Variants in FABP2 observed in about 807,000 individuals in gnomAD.
FABP2 encodes fatty acid-binding protein, intestinal.
A neutral mutation model predicts 16.1 loss-of-function variants in FABP2; 11 were observed. That is an observed-to-expected ratio of 0.68 (90% CI 0.43 to 1.13). The LOEUF (loss-of-function observed/expected upper bound fraction) is 1.13, where lower values mean the gene tolerates loss of function less well. Among genes scored for constraint, FABP2 ranks in the 50% most tolerant of loss-of-function variants. FABP2 has a pLI of 0.00. For missense variants in FABP2, 146 were observed against 155.1 expected (o/e 0.94, Z 0.31); for synonymous variants, 45 against 50.9 (o/e 0.88, Z 0.49).
chr4:119,321,952 G>T, intron 1 of FABP2, 84 bp downstream of exon 1: 1 of 1,111,808 alleles, frequency 9.0e-7, no homozygotes, highest in Non-Finnish European at 1.3e-6. Context: ...TAAGCTATCT[G>T]TAATCTCCTA....
At chr4:119,320,888 G>T in intron 1 of FABP2, 46 bp from the exon 2 acceptor site, 1 of 1,441,440 alleles carries the variant, frequency 6.9e-7, no homozygotes, top group South Asian at 1.4e-5. Context: ...AATCCCATAG[G>T]AAGTGTTTAT....
rs563422671 is a variant in FABP2 at position 119,318,994 on chromosome 4, G to T, written c.*47C>A. 2.9e-5 allele frequency: 42 copies of T among 1,442,772 alleles called. No homozygotes were observed. Among genetic ancestry groups the T allele is most frequent in the South Asian group, 1.9e-4 (16 of 83,042 alleles). The allele number at this position is 1,442,772 out of a possible 1,614,324, so 89.4% of individuals were successfully genotyped here. A position where few individuals can be genotyped will look rare whatever the true frequency, so the allele number is the denominator to read the frequency against. On this transcript the variant is annotated 3_prime_UTR_variant, in exon 4 of 4. Transcript: ENST00000274024. ...AAATAAATAGTTCTGGTACAATATA[G>T]ATCTTCTGTCCAATTTGTATTTTGG...
chr4:119,320,498 T>G (rs1755648091), intron 2 of FABP2, among the ~76,000 whole-genome samples, 172 bp downstream of exon 2: 1 of 152,096 alleles, frequency 6.6e-6, no homozygotes, highest in African/African-American at 2.4e-5. Context: ...AAAACATATT[T>G]AAATATCCTG....
chr4:119,320,876 C>A, intron 1 of FABP2, 34 bp from the exon 2 acceptor site: 1 of 1,496,592 alleles, frequency 6.7e-7, no homozygotes, highest in South Asian at 1.3e-5. Flanking sequence ...AAAATAAAGT[C>A]AAATCCCATA....
In FABP2 at chr4:119,319,653, A is replaced by C. The variant is rs770270527; in HGVS notation, c.241-10T>G. ...CAAGGCTCCAGGTCCCCTACATAAT[A>C]ATAATAATAATAATAATAATAATAA... On this transcript the variant is annotated splice_polypyrimidine_tract_variant and intron_variant, in intron 2 of 3. Transcript: ENST00000274024. The C allele has an allele frequency of 6.8e-4, 626 of 925,260 alleles. 1 individual carries two copies. The highest frequency in any genetic ancestry group is 7.1e-4 in the Non-Finnish European group (490 of 689,326). 57.3% of individuals were successfully genotyped at this position (925,260 alleles called of 1,614,324 possible).
chr4:119,320,094 A>G (rs1038784011), intron 2 of FABP2, among the ~76,000 whole-genome samples: 8 of 152,062 alleles, frequency 5.3e-5, no homozygotes, highest in Admixed American at 2.0e-4. Context: ...ATGATAAAAC[A>G]TTCAGTAGTT....
chr4:119,321,195 G>A (rs77203710), intron 1 of FABP2, among the ~76,000 whole-genome samples: 4,209 of 152,088 alleles, frequency 0.028, 76 homozygotes, highest in South Asian at 0.067. Flanking sequence ...ATATTTATAA[G>A]GAAGCACATC....
In FABP2 at chr4:119,319,923, G is replaced by A. The variant is rs568460951; in HGVS notation, c.241-280C>T. ...TTGTTCTCTTCAATAATTTCCATAC[G>A]CTGAATTTTAAGGCAGATGAGCAGC... is the stretch of plus-strand genomic sequence containing the variant. On this transcript the variant is annotated intron_variant, in intron 2 of 3. Coordinates refer to ENST00000274024, the MANE Select transcript of FABP2 (RefSeq NM_000134.4). 1.6e-4 allele frequency among the ~76,000 whole-genome samples: 25 copies of A among 151,958 alleles called. No individual in the cohort carries two copies. In the South Asian group the frequency reaches 2.7e-3, roughly 16 times the overall value.
At chr4:119,321,529 C>T (rs371779474) in intron 1 of FABP2, among the ~76,000 whole-genome samples, 4 of 152,144 alleles carry the variant, frequency 2.6e-5, no homozygotes, top group East Asian at 1.9e-4. Flanking sequence ...TTAAATTAAA[C>T]GCCCTGGAGA....
intron 2 of FABP2, among the ~76,000 whole-genome samples, chr4:119,320,066 T>G (rs1755640840): frequency 1.3e-5 from 2 of 152,050 alleles, no homozygotes; most frequent in African/African-American, 2.4e-5. Flanking sequence ...TGGTACTAAT[T>G]AAAGAAAGAC....
At position 119,322,072 on chromosome 4, in the gene FABP2, G is replaced by A. The variant is rs774043520; in HGVS notation, c.31C>T (p.Arg11Trp). 6.2e-6 allele frequency: 10 copies of A among 1,613,166 alleles called. No homozygotes were observed. The East Asian group carries it at 1.1e-4, about 18-fold the overall frequency. MAFDSTWKVD[R>W]SENYDKFMEK... is the part of the protein sequence containing the mutation. The stretch of plus-strand genomic sequence containing the variant: ...ATGAACTTGTCATAGTTTTCACTCC[G>A]GTCTACCTTCCAAGTGCTGTCAAAC... The change falls in exon 1 of 4, where the codon CGG (arginine) becomes TGG (tryptophan). Residue 11 changes from arginine to tryptophan, a missense_variant. Coordinates refer to ENST00000274024, the MANE Select transcript of FABP2 (RefSeq NM_000134.4).
At position 119,320,691 on chromosome 4, in the gene FABP2, T is replaced by A; in HGVS notation, c.219A>T (p.Leu73=). 1.3e-6 allele frequency: 2 copies of A among 1,589,364 alleles called. No individual in the cohort carries two copies. The highest frequency in any genetic ancestry group is 1.7e-6 in the Non-Finnish European group (2 of 1,172,096). ...TTACCCTGAGTTCAGTTCCGTCTGC[T>A]AGATTGTAATTAAAGGTGACACCAA... is the stretch of plus-strand genomic sequence containing the variant. ...FELGVTFNYN[L]ADGTELRGTW... Residue 73 remains leucine (L), a synonymous_variant, in exon 2 of 4, where the codon CTA becomes CTT. Transcript: ENST00000274024.
intron 2 of FABP2, among the ~76,000 whole-genome samples, 193 bp downstream of exon 2, chr4:119,320,477 G>A (rs759869448): frequency 1.3e-5 from 2 of 151,898 alleles, no homozygotes; most frequent in Non-Finnish European, 2.9e-5. Context: ...TCACAGATGC[G>A]TATAAAAATA....
At position 119,318,533 on chromosome 4, in the gene FABP2, T is replaced by TA. The variant is rs200228934; in HGVS notation, c.*507dup. On this transcript the variant is annotated 3_prime_UTR_variant, in exon 4 of 4. Transcript: ENST00000274024. Reference sequence around the variant, plus strand: ...GGGCAATATAGCAAGACCCCATCTCTAAAAAAAATAAAAAGAAAACAAAAC... The same window carrying TA: ...GGGCAATATAGCAAGACCCCATCTCTAAAAAAAAATAAAAAGAAAACAAAAC... The TA allele has an allele frequency of 0.016, 2,358 of 151,894 alleles. 28 individuals are homozygous for TA. The highest frequency in any genetic ancestry group is 0.024 in the Non-Finnish European group (1,643 of 68,082). The allele number at this position is 151,894 out of a possible 1,614,324, so 9.4% of individuals were successfully genotyped here.
chr4:119,317,807 A>G lies in FABP2; in HGVS notation c.*1234T>C, dbSNP rs1755604207. On this transcript the variant is annotated 3_prime_UTR_variant, in exon 4 of 4. Coordinates refer to ENST00000274024, the MANE Select transcript of FABP2 (RefSeq NM_000134.4). ...AAATTTTACGTCATGTGAAAATATG[A>G]ATAAAAGGAAACTTTTTGAGCCCTG... 6.6e-6 allele frequency: 1 copy of G among 152,090 alleles called. No individual in the cohort carries two copies. Among genetic ancestry groups the G allele is most frequent in the African/African-American group, 2.4e-5 (1 of 41,426 alleles). 9.4% of individuals were successfully genotyped at this position (152,090 alleles called of 1,614,324 possible).
intron 2 of FABP2, 85 bp downstream of exon 2, chr4:119,320,585 C>A: frequency 7.3e-6 from 8 of 1,096,828 alleles, no homozygotes; most frequent in Non-Finnish European, 1.0e-5. Flanking sequence ...ATTAATTAAA[C>A]CATCCAATGA....
rs1553986027 is a variant in FABP2 at position 119,319,647 on chromosome 4, C to CATCATAATAATAATA, written c.241-5_241-4insTATTATTATTATGAT. 5.0e-6 allele frequency: 4 copies of CATCATAATAATAATA among 798,146 alleles called. No individual in the cohort carries two copies. Among genetic ancestry groups the CATCATAATAATAATA allele is most frequent in the African/African-American group, 3.8e-5 (2 of 52,334 alleles). 49.4% of individuals were successfully genotyped at this position (798,146 alleles called of 1,614,324 possible). On this transcript the variant is annotated splice_polypyrimidine_tract_variant and splice_region_variant and intron_variant, in intron 2 of 3. Coordinates refer to ENST00000274024, the MANE Select transcript of FABP2 (RefSeq NM_000134.4). The stretch of plus-strand genomic sequence containing the variant: ...TTCCCTCAAGGCTCCAGGTCCCCTA[C>CATCATAATAATAATA]ATAATAATAATAATAATAATAATAA...
chr4:119,321,471 T>C (rs1403242680), intron 1 of FABP2, among the ~76,000 whole-genome samples: 1 of 152,120 alleles, frequency 6.6e-6, no homozygotes, highest in Non-Finnish European at 1.5e-5. Flanking sequence ...TTGCCTATCT[T>C]GTATAGTATA....
Position 119,320,861 on chromosome 4 carries a change from T to C in FABP2, c.68-19A>G. 2 of 1,521,460 alleles carry C rather than the reference T, an allele frequency of 1.3e-6. No homozygotes were observed. The highest frequency in any genetic ancestry group is 5.0e-5 in the East Asian group (2 of 39,874). The allele number at this position is 1,521,460 out of a possible 1,614,324, so 94.2% of individuals were successfully genotyped here. On this transcript the variant is annotated intron_variant, in intron 1 of 3. Transcript: ENST00000274024. ...TTAACACCTGTAAAAGGTAAGACAA[T>C]GGAGAAAATAAAGTCAAATCCCATA...
Sources: allele counts gnomAD v4.1 joint callset (sites outside exome capture counted in the v4.1 genomes callset), GRCh38; gene constraint gnomAD v4.1.1; transcripts MANE v1.5; gene names NCBI Gene and HGNC (gene_info 2026-07-23, HGNC 2026-07-21).